SHC3: variants seen among roughly 807,000 people sequenced by gnomAD.
SHC3 encodes the protein SHC-transforming protein 3.
A neutral mutation model predicts 60.4 loss-of-function variants in SHC3; 15 were observed. That is an observed-to-expected ratio of 0.25 (90% CI 0.17 to 0.38). The LOEUF (loss-of-function observed/expected upper bound fraction) is 0.38. Ranked by LOEUF, SHC3 falls within the 10% of genes least tolerant of loss-of-function variation. The probability of loss-of-function intolerance (pLI) is 1.00; values close to 1 mark genes in which losing one functional copy is unlikely to be tolerated. For synonymous variants in SHC3, 294 were observed against 325.9 expected (o/e 0.90, Z 1.05); for missense variants, 677 against 786.1 (o/e 0.86, Z 1.66).
chr9:89,085,040 GC>G (rs1360931719), intron 2 of SHC3, among the ~76,000 whole-genome samples: 11 of 152,196 alleles, frequency 7.2e-5, no homozygotes, highest in Non-Finnish European at 1.5e-4. Flanking sequence ...AATACCACAG[GC>G]TTTAAAGATC....
Position 89,008,711 on chromosome 9 carries a change from G to T in SHC3, c.*4736C>A, listed in dbSNP as rs1301960902. 6.6e-6 allele frequency: 1 copy of T among 152,192 alleles called. No homozygotes were observed. Among genetic ancestry groups the T allele is most frequent in the Admixed American group, 6.5e-5 (1 of 15,274 alleles). The allele number at this position is 152,192 out of a possible 1,614,324, so 9.4% of individuals were successfully genotyped here. A position where few individuals can be genotyped will look rare whatever the true frequency, so the allele number is the denominator to read the frequency against. ...CAGAAACAGCCTTTCATAAGTGATA[G>T]ACTTGGTGAATAAATACCCCAGCTG... is the stretch of plus-strand genomic sequence containing the variant. On this transcript the variant is annotated 3_prime_UTR_variant, in exon 12 of 12. Coordinates refer to ENST00000375835, the MANE Select transcript of SHC3 (RefSeq NM_016848.6).
At chr9:89,030,709 C>T (rs1824472822) in intron 11 of SHC3, among the ~76,000 whole-genome samples, 2 of 152,196 alleles carry the variant, frequency 1.3e-5, no homozygotes, top group African/African-American at 4.8e-5. Context: ...TTGTTGGAAT[C>T]AGAACCCAAA....
intron 1 of SHC3, among the ~76,000 whole-genome samples, chr9:89,116,456 A>T (rs1826020388): frequency 6.6e-6 from 1 of 152,168 alleles, no homozygotes; most frequent in South Asian, 2.1e-4. Context: ...GAGTTTATGG[A>T]TACTGTGGCT....
intron 1 of SHC3, among the ~76,000 whole-genome samples, chr9:89,130,136 C>T (rs1253689242): frequency 6.6e-6 from 1 of 152,112 alleles, no homozygotes; most frequent in Non-Finnish European, 1.5e-5. Flanking sequence ...ATAAAACAGG[C>T]TTCAAACCAA....
intron 2 of SHC3, among the ~76,000 whole-genome samples, chr9:89,111,476 T>G (rs1054536798): frequency 3.9e-5 from 6 of 152,202 alleles, no homozygotes; most frequent in African/African-American, 1.4e-4. Flanking sequence ...TTTGAAATGT[T>G]CATGAACCAT....
chr9:89,137,973 C>T (rs980858729), intron 1 of SHC3, among the ~76,000 whole-genome samples: 2 of 152,226 alleles, frequency 1.3e-5, no homozygotes, highest in African/African-American at 4.8e-5. Context: ...TGAGTCTGTG[C>T]AGGCTGCAAA....
chr9:89,170,592 C>A (rs1441029716), intron 1 of SHC3, among the ~76,000 whole-genome samples: 1 of 152,148 alleles, frequency 6.6e-6, no homozygotes, highest in African/African-American at 2.4e-5. Flanking sequence ...CTACAGTGAG[C>A]CATGATCAGG....
chr9:89,075,830 G>A (rs1825349710), intron 3 of SHC3, among the ~76,000 whole-genome samples: 1 of 152,182 alleles, frequency 6.6e-6, no homozygotes, highest in South Asian at 2.1e-4. Context: ...TGGCCTGGCT[G>A]TAACTGGTAT....
At chr9:89,128,396 A>G (rs533442059) in intron 1 of SHC3, among the ~76,000 whole-genome samples, 346 of 152,318 alleles carry the variant, frequency 2.3e-3, no homozygotes, top group African/African-American at 7.9e-3. Flanking sequence ...CTTTGAAGAC[A>G]GTAGTGGTTC....
At chr9:89,116,712 C>T (rs1826024287) in intron 1 of SHC3, among the ~76,000 whole-genome samples, 1 of 152,130 alleles carries the variant, frequency 6.6e-6, no homozygotes. Context: ...ATATCGCCAT[C>T]AACATCACAG....
chr9:89,061,395 T>C (rs1163566643), intron 6 of SHC3, among the ~76,000 whole-genome samples: 1 of 152,202 alleles, frequency 6.6e-6, no homozygotes, highest in African/African-American at 2.4e-5. Context: ...GAAACTCCTT[T>C]TGTTGAAACC....
At chr9:89,078,949 G>T (rs1004337134) in intron 2 of SHC3, among the ~76,000 whole-genome samples, 2 of 152,194 alleles carry the variant, frequency 1.3e-5, no homozygotes, top group African/African-American at 4.8e-5. Context: ...CTACCATGTG[G>T]ACGAAAAATA....
chr9:89,109,206 A>G, intron 2 of SHC3: 2 of 927,788 alleles, frequency 2.2e-6, no homozygotes, highest in South Asian at 9.9e-5. Flanking sequence ...TCCATCCCCA[A>G]ATGAACTTGT....
At chr9:89,144,794 T>C (rs1826443851) in intron 1 of SHC3, among the ~76,000 whole-genome samples, 1 of 137,298 alleles carries the variant, frequency 7.3e-6, no homozygotes, top group Admixed American at 7.0e-5. Context: ...GTCATGAGCC[T>C]TTTTTTTTTG....
At chr9:89,029,352 C>A (rs1357611669) in intron 11 of SHC3, among the ~76,000 whole-genome samples, 1 of 151,522 alleles carries the variant, frequency 6.6e-6, no homozygotes. Flanking sequence ...CATTACAGAA[C>A]ACAAAGACAA....
intron 10 of SHC3, among the ~76,000 whole-genome samples, chr9:89,041,559 AAG>A (rs1332852817): frequency 4.6e-5 from 7 of 152,194 alleles, no homozygotes; most frequent in Non-Finnish European, 7.3e-5. Flanking sequence ...GGAGAGGAGA[AAG>A]AGAGAGAAAA....
chr9:89,130,676 A>G (rs1826231442), intron 1 of SHC3, among the ~76,000 whole-genome samples: 1 of 152,366 alleles, frequency 6.6e-6, no homozygotes, highest in South Asian at 2.1e-4. Context: ...CTGGGTACAT[A>G]ATGAAATGAA....
chr9:89,035,849 AGATGTGTG>A (rs1457865209), intron 11 of SHC3, among the ~76,000 whole-genome samples: 1 of 95,224 alleles, frequency 1.1e-5, no homozygotes, highest in Admixed American at 1.1e-4. Context: ...ATATATATAT[AGATGTGTG>A]TGTGTGTGTG....
chr9:89,144,483 T>C (rs1826439769), intron 1 of SHC3, among the ~76,000 whole-genome samples: 1 of 152,090 alleles, frequency 6.6e-6, no homozygotes, highest in African/African-American at 2.4e-5. Flanking sequence ...AGAGACCACA[T>C]AGTGTCTTAG....
Sources: allele counts gnomAD v4.1 joint callset (sites outside exome capture counted in the v4.1 genomes callset), GRCh38; gene constraint gnomAD v4.1.1; transcripts MANE v1.5; gene names NCBI Gene and HGNC (gene_info 2026-07-23, HGNC 2026-07-21).